The following MARS2 variants were observed in gnomAD, a reference collection of about 807,000 sequenced individuals.
MARS2 encodes the protein methionyl-tRNA synthetase 2, mitochondrial.
In MARS2, 33 loss-of-function variants were observed where a neutral mutation model predicts 43.8. That is an observed-to-expected ratio of 0.75 (90% confidence interval 0.57 to 1.01). The LOEUF (loss-of-function observed/expected upper bound fraction) is 1.01, where lower values mean the gene tolerates loss of function less well. MARS2 is among the 50% of genes least tolerant of loss of function. MARS2 has a pLI of 0.00. For missense variants in MARS2, 720 were observed against 763.0 expected (o/e 0.94, Z 0.66); for synonymous variants, 351 against 325.5 (o/e 1.08, Z -0.84).
rs983900196 is a variant in MARS2, at chr2:197,708,358, CTTAAG to C, written c.*1175_*1179del. On this transcript the variant is annotated 3_prime_UTR_variant, in exon 1 of 1. Coordinates refer to ENST00000282276, the MANE Select transcript of MARS2 (RefSeq NM_138395.4). ...CTGATTATTTCTTTTGCTCTTTTAA[CTTAAG>C]TTATTAAAGTTTAAAAGTTCGTAAG... 3.6e-5 allele frequency: 6 copies of C among 166,656 alleles called. No homozygotes were observed. The highest frequency in any genetic ancestry group is 5.9e-5 in the Non-Finnish European group (4 of 68,102). 10.3% of individuals were successfully genotyped at this position (166,656 alleles called of 1,614,324 possible).
In MARS2 at chr2:197,705,457, C is replaced by T. The variant is rs1230377660; in HGVS notation, c.52C>T (p.Leu18=). 6.2e-6 allele frequency: 10 copies of T among 1,612,652 alleles called. No homozygotes were observed. Among genetic ancestry groups the T allele is most frequent in the Non-Finnish European group, 7.6e-6 (9 of 1,179,956 alleles). ...RLLGRTGASR[L]SLLEDFGPRY... is the part of the protein sequence containing the mutation. ...GCTAGGACGCACGGGGGCTAGTAGGCTGTCTCTCCTGGAGGACTTCGGCCC... is the reference window on the plus strand; with the variant it reads ...GCTAGGACGCACGGGGGCTAGTAGGTTGTCTCTCCTGGAGGACTTCGGCCC... Residue 18 remains leucine, a synonymous_variant, in exon 1 of 1, where the codon CTG becomes TTG. Coordinates refer to ENST00000282276, the MANE Select transcript of MARS2 (RefSeq NM_138395.4).
Position 197,706,001 on chromosome 2 carries a change from G to C in MARS2, c.596G>C (p.Ser199Thr). The C allele has an allele frequency of 6.2e-7, 1 of 1,614,212 alleles. No homozygotes were observed. Among genetic ancestry groups the C allele is most frequent in the Non-Finnish European group, 8.5e-7 (1 of 1,180,056 alleles). ...GATTCGTTTCCTGTATCTCTCGAGA[G>C]CGGGCATCCAGTCTCCTGGACCAAG... The part of the protein sequence containing the change: ...SGDSFPVSLE[S>T]GHPVSWTKEE... The change falls in exon 1 of 1, where the codon AGC becomes ACC. Residue 199 changes from serine (S) to threonine (T), a missense_variant. Coordinates refer to ENST00000282276, the MANE Select transcript of MARS2 (RefSeq NM_138395.4).
At position 197,706,022 on chromosome 2, in the gene MARS2, C is replaced by T; in HGVS notation, c.617C>T (p.Thr206Ile). 2 of 1,614,174 alleles carry T rather than the reference C, an allele frequency of 1.2e-6. No individual in the cohort carries two copies. Among genetic ancestry groups the T allele is most frequent in the South Asian group, 1.1e-5 (1 of 91,084 alleles). ...SLESGHPVSWTKEENYIFRLS... is the reference protein window; with the variant it reads ...SLESGHPVSWIKEENYIFRLS... Reference sequence around the variant, plus strand: ...GAGAGCGGGCATCCAGTCTCCTGGACCAAGGAAGAAAACTACATTTTCAGG... The same window carrying T: ...GAGAGCGGGCATCCAGTCTCCTGGATCAAGGAAGAAAACTACATTTTCAGG... The change falls in exon 1 of 1, where the codon ACC becomes ATC. Residue 206 changes from threonine to isoleucine, a missense_variant. Physicochemically the swap from Thr to Ile is moderately conservative, Grantham distance 89 (BLOSUM62 -1). Coordinates refer to ENST00000282276, the MANE Select transcript of MARS2 (RefSeq NM_138395.4).
chr2:197,706,419 T>C lies in MARS2; in HGVS notation c.1014T>C (p.His338=). The change falls in exon 1 of 1, where the codon CAT becomes CAC. Residue 338 remains histidine (H), a synonymous_variant. Transcript: ENST00000282276. ...GCCCGCCACAGCGCATCTGTGTCCA[T>C]TCCCACTGGACAGTCTGTGGCCAAA... ...GMSPPQRICV[H]SHWTVCGQKM... is the part of the protein sequence containing the mutation. The C allele has an allele frequency of 6.2e-7, 1 of 1,614,112 alleles. No individual in the cohort carries two copies. The highest frequency in any genetic ancestry group is 8.5e-7 in the Non-Finnish European group (1 of 1,180,022).
chr2:197,705,797 C>G lies in MARS2; in HGVS notation c.392C>G (p.Ser131Cys). 9 of 1,613,654 alleles carry G rather than the reference C, an allele frequency of 5.6e-6. No individual in the cohort carries two copies. The highest frequency in any genetic ancestry group is 7.6e-6 in the Non-Finnish European group (9 of 1,180,044). Residue 131 changes from serine to cysteine, a missense_variant, in exon 1 of 1, where the codon TCC becomes TGC. Transcript: ENST00000282276. The part of the protein sequence containing the change: ...FQQLFQEAGI[S>C]CTDFIRTTEA... Reference sequence around the variant, plus strand: ...CAGCTTTTCCAGGAGGCCGGTATCTCCTGCACAGATTTCATCCGCACCACG... The same window carrying G: ...CAGCTTTTCCAGGAGGCCGGTATCTGCTGCACAGATTTCATCCGCACCACG...
rs763269624 is a variant in MARS2, at chr2:197,706,856, A to C, written c.1451A>C (p.Asn484Thr). 1.2e-6 allele frequency: 2 copies of C among 1,614,056 alleles called. No individual in the cohort carries two copies. The highest frequency in any genetic ancestry group is 1.3e-5 in the African/African-American group (1 of 74,924). ...GTGTCCAGCTGTGTCCGGCAAACTA[A>C]TGGTTTTGTCCAAAGGCATGCACCA... The part of the protein sequence containing the change: ...EAVSSCVRQT[N>T]GFVQRHAPWK... Residue 484 changes from asparagine (N) to threonine (T), a missense_variant, in exon 1 of 1, where the codon AAT becomes ACT. Transcript: ENST00000282276.
In MARS2 at chr2:197,705,692, G is replaced by A; in HGVS notation, c.287G>A (p.Gly96Glu). 6.2e-7 allele frequency: 1 copy of A among 1,610,960 alleles called. No individual in the cohort carries two copies. The highest frequency in any genetic ancestry group is 1.7e-5 in the Admixed American group (1 of 60,002). ...TRFSTGTDEH[G>E]LKIQQAAATA... ...TTCTCCACTGGTACCGACGAGCACG[G>A]GCTGAAGATTCAGCAGGCAGCAGCT... Residue 96 changes from glycine to glutamate, a missense_variant, in exon 1 of 1, where the codon GGG (glycine) becomes GAG (glutamate). By Grantham distance (98) the Gly-to-Glu change is moderately conservative (BLOSUM62 -2). Transcript: ENST00000282276.
In MARS2 at chr2:197,706,414, G is replaced by C. The variant is rs2089475856; in HGVS notation, c.1009G>C (p.Val337Leu). The change falls in exon 1 of 1, where the codon GTC becomes CTC. Residue 337 changes from valine (V) to leucine (L), a missense_variant. Coordinates refer to ENST00000282276, the MANE Select transcript of MARS2 (RefSeq NM_138395.4). ...CATGAGCCCGCCACAGCGCATCTGT[G>C]TCCATTCCCACTGGACAGTCTGTGG... Reference protein sequence around the residue: ...AGMSPPQRICVHSHWTVCGQK... With the variant: ...AGMSPPQRICLHSHWTVCGQK... The C allele has an allele frequency of 1.4e-5, 23 of 1,614,126 alleles. No homozygotes were observed. Among genetic ancestry groups the C allele is most frequent in the Non-Finnish European group, 1.9e-5 (22 of 1,180,048 alleles).
In MARS2 at chr2:197,705,463, C is replaced by T; in HGVS notation, c.58C>T (p.Leu20Phe). The T allele has an allele frequency of 6.2e-7, 1 of 1,612,908 alleles. No individual in the cohort carries two copies. The highest frequency in any genetic ancestry group is 1.3e-5 in the African/African-American group (1 of 75,052). ...ACGCACGGGGGCTAGTAGGCTGTCT[C>T]TCCTGGAGGACTTCGGCCCACGCTA... Reference protein sequence around the residue: ...LGRTGASRLSLLEDFGPRYYS... With the variant: ...LGRTGASRLSFLEDFGPRYYS... The change falls in exon 1 of 1, where the codon CTC becomes TTC. Residue 20 changes from leucine (L) to phenylalanine (F), a missense_variant. Transcript: ENST00000282276.
At position 197,707,429 on chromosome 2, in the gene MARS2, A is replaced by G. The variant is rs554609942; in HGVS notation, c.*242A>G. 7.4e-5 allele frequency: 36 copies of G among 483,572 alleles called. No individual in the cohort carries two copies. In the East Asian group the frequency reaches 1.5e-3, roughly 20 times the overall value. The allele number at this position is 483,572 out of a possible 1,614,324, so 30.0% of individuals were successfully genotyped here. A position where few individuals can be genotyped will look rare whatever the true frequency, so the allele number is the denominator to read the frequency against. ...GATGTCTTCAGGGGAAAGATGGGTA[A>G]GAGACAGTGTTGCTAATGCTGTTCC... On this transcript the variant is annotated 3_prime_UTR_variant, in exon 1 of 1. Transcript: ENST00000282276.
Position 197,706,386 on chromosome 2 carries a change from C to T in MARS2, c.981C>T (p.Ala327=). 1 of 1,614,122 alleles carries T rather than the reference C, an allele frequency of 6.2e-7. No homozygotes were observed. Among genetic ancestry groups the T allele is most frequent in the South Asian group, 1.1e-5 (1 of 91,088 alleles). ...ATTGGCCTGCCTTCCTGTTAGGGGC[C>T]GGCATGAGCCCGCCACAGCGCATCT... ...AIYWPAFLLG[A]GMSPPQRICV... is the part of the protein sequence containing the mutation. The change falls in exon 1 of 1, where the codon GCC becomes GCT. Residue 327 remains alanine, a synonymous_variant. Coordinates refer to ENST00000282276, the MANE Select transcript of MARS2 (RefSeq NM_138395.4).
In MARS2 at chr2:197,706,808, G is replaced by T. The variant is rs747942713; in HGVS notation, c.1403G>T (p.Arg468Leu). ...GTAGCAGACCACTATGATAACTTTCGGATATATAAGGCTCTGGAGGCCGTG... is the reference window on the plus strand; with the variant it reads ...GTAGCAGACCACTATGATAACTTTCTGATATATAAGGCTCTGGAGGCCGTG... ...KQVADHYDNFRIYKALEAVSS... is the reference protein window; with the variant it reads ...KQVADHYDNFLIYKALEAVSS... Residue 468 changes from arginine to leucine, a missense_variant, in exon 1 of 1, where the codon CGG (arginine) becomes CTG (leucine). By Grantham distance (102) the Arg-to-Leu change is moderately radical (BLOSUM62 -2). Coordinates refer to ENST00000282276, the MANE Select transcript of MARS2 (RefSeq NM_138395.4). The T allele has an allele frequency of 2.9e-5, 47 of 1,613,972 alleles. No homozygotes were observed. In the East Asian group the frequency reaches 9.4e-4, roughly 32 times the overall value.
rs772497099 is a variant in MARS2 at position 197,707,149 on chromosome 2, C to T, written c.1744C>T (p.Gln582Ter). 5 of 1,613,810 alleles carry T rather than the reference C, an allele frequency of 3.1e-6. No individual in the cohort carries two copies. In the African/African-American group the frequency reaches 5.3e-5, roughly 17 times the overall value. Residue 582 changes from glutamine to a stop codon, truncating the protein, a stop_gained, in exon 1 of 1, where the codon CAG becomes TAG. Coordinates refer to ENST00000282276, the MANE Select transcript of MARS2 (RefSeq NM_138395.4). LOFTEE classifies it high-confidence loss of function. ...TGGGCTTTTGTTTCCAAGACTAGAC[C>T]AGTCCAGGACTTGGCTGGTGAAAGC... ...ETGLLFPRLD[Q>*]SRTWLVKAHR...
In MARS2 at chr2:197,706,302, TTGG is replaced by T. The variant is rs1456453184; in HGVS notation, c.901_903del (p.Trp301del). ...GCTACCCAAATGCTGAGTTCAAATC[TTGG>T]TGGCCGGCCACCTCTCATATCATAG... On this transcript the variant is annotated inframe_deletion, in exon 1 of 1. Transcript: ENST00000282276. The T allele has an allele frequency of 1.2e-6, 2 of 1,614,122 alleles. No homozygotes were observed. Among genetic ancestry groups the T allele is most frequent in the East Asian group, 4.5e-5 (2 of 44,892 alleles).
rs896647616 is a variant in MARS2 at position 197,706,503 on chromosome 2, C to T, written c.1098C>T (p.Thr366=). Reference sequence around the variant, plus strand: ...CTAGGACTTGCCTTAACCGCTATACCGTGGATGGCTTCCGCTACTTTCTCC... The same window carrying T: ...CTAGGACTTGCCTTAACCGCTATACTGTGGATGGCTTCCGCTACTTTCTCC... ...VDPRTCLNRY[T]VDGFRYFLLR... Residue 366 remains threonine, a synonymous_variant, in exon 1 of 1, where the codon ACC becomes ACT. Transcript: ENST00000282276. 3.1e-6 allele frequency: 5 copies of T among 1,613,918 alleles called. No homozygotes were observed. Among genetic ancestry groups the T allele is most frequent in the African/African-American group, 2.7e-5 (2 of 74,940 alleles).
Position 197,705,795 on chromosome 2 carries a change from C to T in MARS2, c.390C>T (p.Ile130=), listed in dbSNP as rs765533372. Reference sequence around the variant, plus strand: ...AGCAGCTTTTCCAGGAGGCCGGTATCTCCTGCACAGATTTCATCCGCACCA... The same window carrying T: ...AGCAGCTTTTCCAGGAGGCCGGTATTTCCTGCACAGATTTCATCCGCACCA... ...QFQQLFQEAG[I]SCTDFIRTTE... Residue 130 remains isoleucine (I), a synonymous_variant, in exon 1 of 1, where the codon ATC becomes ATT. Coordinates refer to ENST00000282276, the MANE Select transcript of MARS2 (RefSeq NM_138395.4). 9.9e-6 allele frequency: 16 copies of T among 1,613,518 alleles called. No individual in the cohort carries two copies. The highest frequency in any genetic ancestry group is 1.7e-5 in the Admixed American group (1 of 60,006).
Position 197,707,148 on chromosome 2 carries a change from C to T in MARS2, c.1743C>T (p.Asp581=). ...PETGLLFPRL[D]QSRTWLVKAH... The stretch of plus-strand genomic sequence containing the variant: ...CTGGGCTTTTGTTTCCAAGACTAGA[C>T]CAGTCCAGGACTTGGCTGGTGAAAG... The change falls in exon 1 of 1, where the codon GAC becomes GAT. Residue 581 remains aspartate, a synonymous_variant. Coordinates refer to ENST00000282276, the MANE Select transcript of MARS2 (RefSeq NM_138395.4). The T allele has an allele frequency of 1.2e-6, 2 of 1,614,112 alleles. No individual in the cohort carries two copies. The highest frequency in any genetic ancestry group is 1.1e-5 in the South Asian group (1 of 91,086).
rs1446440387 is a variant in MARS2, at chr2:197,706,116, A to G, written c.711A>G (p.Pro237=). The stretch of plus-strand genomic sequence containing the variant: ...ACCCTCAGGCGATCACCCCCGAACC[A>G]TTTCATCACGTAGTTCTTCAGTGGC... ...RGNPQAITPE[P]FHHVVLQWLD... is the part of the protein sequence containing the mutation. The change falls in exon 1 of 1, where the codon CCA becomes CCG. Residue 237 remains proline, a synonymous_variant. Transcript: ENST00000282276. The G allele has an allele frequency of 6.2e-7, 1 of 1,613,998 alleles. No homozygotes were observed. Among genetic ancestry groups the G allele is most frequent in the Admixed American group, 1.7e-5 (1 of 60,024 alleles).
Position 197,707,731 on chromosome 2 carries a change from C to CT in MARS2, c.*545dup. On this transcript the variant is annotated 3_prime_UTR_variant, in exon 1 of 1. Transcript: ENST00000282276. ...TGTATCCCCATTTAAATTCCTACAA[C>CT]TAAGTCTCCCTGCTTTGTTAATAGT... 1.2e-5 allele frequency: 2 copies of CT among 168,954 alleles called. No homozygotes were observed. 10.5% of individuals were successfully genotyped at this position (168,954 alleles called of 1,614,324 possible). A position where few individuals can be genotyped will look rare whatever the true frequency, so the allele number is the denominator to read the frequency against.
Sources: gnomAD v4.1 joint callset for allele counts on GRCh38, gnomAD v4.1.1 for gene constraint, MANE v1.5 for transcripts, NCBI Gene and HGNC (gene_info 2026-07-23, HGNC 2026-07-21) for gene names.